Variants in BARD1 observed in about 807,000 individuals in gnomAD.
The protein encoded by BARD1 is BRCA1 associated RING domain 1.
A neutral mutation model predicts 77.0 loss-of-function variants in BARD1; 73 were observed. The observed-to-expected ratio is 0.95, with a 90% CI of 0.79 to 1.15. The LOEUF (loss-of-function observed/expected upper bound fraction) is 1.15, where lower values mean the gene tolerates loss of function less well. Among genes scored for constraint, BARD1 ranks in the 50% most tolerant of loss-of-function variants. The pLI, the probability that BARD1 is intolerant of heterozygous loss-of-function variation, is 0.00. For synonymous variants in BARD1, 384 were observed against 338.0 expected, an observed-to-expected ratio of 1.14 and a Z score of -1.49; for missense variants, 993 against 938.8, an observed-to-expected ratio of 1.06 and a Z score of -0.75.
At chr2:214,777,252 A>C (rs144528517) in intron 4 of BARD1, among the ~76,000 whole-genome samples, 144 of 152,326 alleles carry the variant, frequency 9.5e-4, no homozygotes, top group African/African-American at 3.0e-3. Flanking sequence ...AAAGAGAAGT[A>C]GCTGCCAGTA....
chr2:214,737,980 C>A (rs1467246198), intron 9 of BARD1, among the ~76,000 whole-genome samples: 1 of 152,076 alleles, frequency 6.6e-6, no homozygotes, highest in African/African-American at 2.4e-5. Flanking sequence ...TATAAGACCA[C>A]ATTTTAGTTA....
intron 6 of BARD1, among the ~76,000 whole-genome samples, chr2:214,759,067 T>G (rs1277655412): frequency 1.3e-5 from 2 of 152,244 alleles, no homozygotes; most frequent in African/African-American, 4.8e-5. Flanking sequence ...TTGCTTGCTA[T>G]GGAGCAGGAT....
chr2:214,758,727 A>ATG (rs910138064), intron 6 of BARD1, among the ~76,000 whole-genome samples: 1 of 152,208 alleles, frequency 6.6e-6, no homozygotes, highest in African/African-American at 2.4e-5. Flanking sequence ...GTGGTGTTCA[A>ATG]TGTTTCAGTT....
intron 2 of BARD1, among the ~76,000 whole-genome samples, chr2:214,796,371 T>A (rs1695754365): frequency 6.6e-6 from 1 of 152,180 alleles, no homozygotes; most frequent in Non-Finnish European, 1.5e-5. Context: ...GACGATCAAG[T>A]TAAGATGAGA....
At chr2:214,763,880 G>A (rs1005418821) in intron 6 of BARD1, among the ~76,000 whole-genome samples, 3 of 152,170 alleles carry the variant, frequency 2.0e-5, no homozygotes, top group African/African-American at 7.2e-5. Flanking sequence ...ATGGAGGAAA[G>A]GGCAGGAATA....
At chr2:214,751,135 A>T (rs1559392991) in intron 7 of BARD1, among the ~76,000 whole-genome samples, 7 of 16,886 alleles carry the variant, frequency 4.1e-4, no homozygotes, top group Admixed American at 1.1e-3. Context: ...ATATATATAT[A>T]TATATATATA....
At chr2:214,744,392 G>A (rs1692995450) in intron 9 of BARD1, among the ~76,000 whole-genome samples, 1 of 152,094 alleles carries the variant, frequency 6.6e-6, no homozygotes. Flanking sequence ...TAAAGGAAAA[G>A]CAATAAATTG....
chr2:214,797,007 G>T (rs1445116791), intron 2 of BARD1, 54 bp downstream of exon 2: 5 of 1,330,442 alleles, frequency 3.8e-6, no homozygotes, highest in Admixed American at 1.7e-5. Flanking sequence ...TTACATGATT[G>T]TTATCTAGTA....
chr2:214,796,208 A>C (rs935648894), intron 2 of BARD1, among the ~76,000 whole-genome samples: 1 of 152,180 alleles, frequency 6.6e-6, no homozygotes, highest in African/African-American at 2.4e-5. Context: ...ATAAGAGATA[A>C]AAATCTAATC....
At chr2:214,730,300 A>G in intron 10 of BARD1, 111 bp downstream of exon 10, 1 of 913,780 alleles carries the variant, frequency 1.1e-6, no homozygotes, top group South Asian at 1.4e-5. Context: ...AGCACAATTA[A>G]AATTTTAATC....
intron 6 of BARD1, among the ~76,000 whole-genome samples, chr2:214,760,526 G>T (rs1489591636): frequency 6.6e-6 from 1 of 152,110 alleles, no homozygotes; most frequent in Admixed American, 6.5e-5. Context: ...ACATGTATCA[G>T]GATAAAACCT....
intron 6 of BARD1, among the ~76,000 whole-genome samples, chr2:214,767,203 A>T (rs1694242811): frequency 1.3e-5 from 2 of 152,028 alleles, no homozygotes; most frequent in South Asian, 4.1e-4. Flanking sequence ...TATGTAACAC[A>T]TTTTTTTTAT....
chr2:214,783,772 G>T (rs992467406), intron 3 of BARD1, among the ~76,000 whole-genome samples: 1 of 152,084 alleles, frequency 6.6e-6, no homozygotes, highest in Non-Finnish European at 1.5e-5. Context: ...ATGGGGAAAG[G>T]ATTCCCTATT....
At chr2:214,796,392 G>A (rs1399316349) in intron 2 of BARD1, among the ~76,000 whole-genome samples, 3 of 152,220 alleles carry the variant, frequency 2.0e-5, no homozygotes, top group Non-Finnish European at 4.4e-5. Context: ...ACATTAGGGT[G>A]AGCCCTTAAT....
intron 3 of BARD1, among the ~76,000 whole-genome samples, chr2:214,790,321 A>T (rs765512574): frequency 1.3e-5 from 2 of 152,144 alleles, no homozygotes; most frequent in Non-Finnish European, 2.9e-5. Context: ...ATGTGACTTT[A>T]CTTGGAAATA....
chr2:214,726,515 A>G lies in BARD1; in HGVS notation c.*2161T>C. 1 of 221,894 alleles carries G rather than the reference A, an allele frequency of 4.5e-6. No individual in the cohort carries two copies. The highest frequency in any genetic ancestry group is 9.0e-6 in the Non-Finnish European group (1 of 110,988). The allele number at this position is 221,894 out of a possible 1,614,324, so 13.7% of individuals were successfully genotyped here. Reference sequence around the variant, plus strand: ...AAATATTTTTATTCAAAATTAATTAAAAAGCATTATGTTAAAAAAGATAAG... The same window carrying G: ...AAATATTTTTATTCAAAATTAATTAGAAAGCATTATGTTAAAAAAGATAAG... On this transcript the variant is annotated 3_prime_UTR_variant, in exon 11 of 11. Transcript: ENST00000260947.
intron 6 of BARD1, among the ~76,000 whole-genome samples, chr2:214,759,635 A>C (rs1411469149): frequency 2.6e-5 from 4 of 152,210 alleles, no homozygotes; most frequent in African/African-American, 9.6e-5. Flanking sequence ...ATTAGAGTTA[A>C]ATCAAAACAA....
At chr2:214,771,647 G>T (rs1694495379) in intron 4 of BARD1, among the ~76,000 whole-genome samples, 1 of 151,580 alleles carries the variant, frequency 6.6e-6, no homozygotes, top group Admixed American at 6.6e-5. Context: ...AGAACTGCTT[G>T]AACCCAGGAG....
At chr2:214,749,057 G>A (rs1344677933) in intron 7 of BARD1, among the ~76,000 whole-genome samples, 1 of 152,116 alleles carries the variant, frequency 6.6e-6, no homozygotes, top group Non-Finnish European at 1.5e-5. Context: ...CCAGGGGAAG[G>A]GGGTTAGACA....
Sources: allele counts gnomAD v4.1 joint callset (sites outside exome capture counted in the v4.1 genomes callset), GRCh38; gene constraint gnomAD v4.1.1; transcripts MANE v1.5; gene names NCBI Gene and HGNC (gene_info 2026-07-23, HGNC 2026-07-21).